IDI2: variants seen among roughly 807,000 people sequenced by gnomAD.
The protein encoded by IDI2 is isopentenyl-diphosphate delta-isomerase 2.
IDI2 carries 18 observed loss-of-function variants against 14.8 expected under a neutral mutation model. The observed-to-expected ratio is 1.22, with a 90% CI of 0.84 to 1.80. The LOEUF (loss-of-function observed/expected upper bound fraction) is 1.80. IDI2 is among the 40% of genes most tolerant of loss of function. The pLI, the probability that IDI2 is intolerant of heterozygous loss-of-function variation, is 0.00. For synonymous variants in IDI2, 133 were observed against 109.6 expected, an observed-to-expected ratio of 1.21 and a Z score of -1.33; for missense variants, 316 against 283.2, an observed-to-expected ratio of 1.12 and a Z score of -0.83.
intron 4 of IDI2, among the ~76,000 whole-genome samples, 150 bp downstream of exon 4, chr10:1,020,606 CCATTCACAGCT>C (rs1455504164): frequency 4.6e-5 from 7 of 152,142 alleles, no homozygotes; most frequent in Non-Finnish European, 8.8e-5. Context: ...ATTCACAGCC[CCATTCACAGCT>C]CATTCACAGC....
At chr10:1,020,154 C>A (rs369612849) in intron 4 of IDI2, among the ~76,000 whole-genome samples, 1 of 152,104 alleles carries the variant, frequency 6.6e-6, no homozygotes, top group Admixed American at 6.5e-5. Flanking sequence ...CTCTCTTAAA[C>A]GTGTTCTTGA....
chr10:1,021,433 G>T (rs550755240), intron 3 of IDI2, among the ~76,000 whole-genome samples: 1 of 152,334 alleles, frequency 6.6e-6, no homozygotes, highest in South Asian at 2.1e-4. Flanking sequence ...CAGCAATAGC[G>T]CTATGACGGG....
Position 1,019,553 on chromosome 10 carries a change from G to T in IDI2, c.648C>A (p.Thr216=). The change falls in exon 5 of 5, where the codon ACC becomes ACA. Residue 216 remains threonine (T), a synonymous_variant. Transcript: ENST00000277517. ...GTATTTTGTGAAGCTCCACAAACGGGGTCACGTCATCCAGGTGAGGCCACC... is the reference window on the plus strand; with the variant it reads ...GTATTTTGTGAAGCTCCACAAACGGTGTCACGTCATCCAGGTGAGGCCACC... ...YRWWPHLDDV[T]PFVELHKIHR... 1 of 1,613,644 alleles carries T rather than the reference G, an allele frequency of 6.2e-7. No individual in the cohort carries two copies. Among genetic ancestry groups the T allele is most frequent in the South Asian group, 1.1e-5 (1 of 91,048 alleles).
intron 3 of IDI2, 88 bp downstream of exon 3, chr10:1,022,595 G>A (rs1200722334): frequency 1.4e-5 from 14 of 1,017,288 alleles, no homozygotes; most frequent in Non-Finnish European, 1.7e-5. Flanking sequence ...GTGCGGCACT[G>A]AGCACCAGAG....
chr10:1,024,463 C>G (rs896298396), intron 2 of IDI2, 119 bp downstream of exon 2: 1 of 1,058,332 alleles, frequency 9.4e-7, no homozygotes, highest in East Asian at 2.4e-5. Context: ...AGCAAGCACA[C>G]AGGTGACCCA....
chr10:1,020,974 A>G (rs1459757632), intron 3 of IDI2, 77 bp from the exon 4 acceptor site: 15 of 1,467,516 alleles, frequency 1.0e-5, no homozygotes, highest in Non-Finnish European at 1.4e-5. Flanking sequence ...CAGATGCTTC[A>G]TGTAAAACCA....
At chr10:1,023,948 T>A (rs759914091) in intron 2 of IDI2, among the ~76,000 whole-genome samples, 11 of 152,172 alleles carry the variant, frequency 7.2e-5, no homozygotes, top group Non-Finnish European at 1.5e-4. Flanking sequence ...TATGCATAAT[T>A]ATTATGTGTT....
At chr10:1,024,836 A>G in intron 1 of IDI2, 92 bp from the exon 2 acceptor site, 26 of 1,188,340 alleles carry the variant, frequency 2.2e-5, no homozygotes, top group Non-Finnish European at 3.2e-5. Flanking sequence ...GATTTAGCAT[A>G]CACCTTCTCT....
chr10:1,021,013 G>A (rs1832086864), intron 3 of IDI2, 116 bp from the exon 4 acceptor site: 1 of 1,186,862 alleles, frequency 8.4e-7, no homozygotes, highest in Admixed American at 2.4e-5. Context: ...AGACAGCCTG[G>A]CGGGGGGAGT....
chr10:1,021,308 A>T (rs1376743456), intron 3 of IDI2, among the ~76,000 whole-genome samples: 1 of 152,234 alleles, frequency 6.6e-6, no homozygotes, highest in Non-Finnish European at 1.5e-5. Context: ...GGGCTGAGGA[A>T]GCTGGGCTGC....
intron 4 of IDI2, 38 bp downstream of exon 4, chr10:1,020,729 C>G: frequency 1.3e-6 from 2 of 1,559,980 alleles, no homozygotes; most frequent in Non-Finnish European, 1.7e-6. Context: ...CCAACCTGGA[C>G]TCCCGTGGAC....
chr10:1,020,357 A>G (rs1832070842), intron 4 of IDI2, among the ~76,000 whole-genome samples: 1 of 151,880 alleles, frequency 6.6e-6, no homozygotes, highest in South Asian at 2.1e-4. Context: ...CGCCCAGCTA[A>G]TTTTTGTACT....
At chr10:1,020,720 C>A in intron 4 of IDI2, 47 bp downstream of exon 4, 1 of 1,552,246 alleles carries the variant, frequency 6.4e-7, no homozygotes, top group Non-Finnish European at 8.7e-7. Context: ...TGCCCGCTGC[C>A]AACCTGGACT....
In IDI2 at chr10:1,019,447, A is replaced by G. The variant is rs1161548277; in HGVS notation, c.*70T>C. 5.5e-6 allele frequency: 7 copies of G among 1,279,228 alleles called. No individual in the cohort carries two copies. Among genetic ancestry groups the G allele is most frequent in the East Asian group, 5.0e-5 (2 of 40,120 alleles). 79.2% of individuals were successfully genotyped at this position (1,279,228 alleles called of 1,614,324 possible). Reference sequence around the variant, plus strand: ...TTGCCCTGTTTTTTGGAGAGGGTGTATCATTGCCTCAATGGTGCGTCTGCC... The same window carrying G: ...TTGCCCTGTTTTTTGGAGAGGGTGTGTCATTGCCTCAATGGTGCGTCTGCC... On this transcript the variant is annotated 3_prime_UTR_variant, in exon 5 of 5. Transcript: ENST00000277517.
At chr10:1,020,669 A>G in intron 4 of IDI2, 98 bp downstream of exon 4, 2 of 1,229,558 alleles carry the variant, frequency 1.6e-6, no homozygotes, top group South Asian at 3.1e-5. Flanking sequence ...GTGCTTCATG[A>G]GGTCAATGGT....
At chr10:1,020,673 CA>C in intron 4 of IDI2, 93 bp downstream of exon 4, 1 of 1,299,466 alleles carries the variant, frequency 7.7e-7, no homozygotes, top group Non-Finnish European at 1.1e-6. Flanking sequence ...TTCATGAGGT[CA>C]ATGGTGTAGA....
chr10:1,019,704 C>G lies in IDI2; in HGVS notation c.497G>C (p.Ser166Thr), dbSNP rs200578674. ...RKNVTLNPDP[S>T]ETKSILYLSQ... is the part of the protein sequence containing the mutation. ...CAGGTAGAGGATGCTTTTCGTTTCA[C>G]TGGGATCCGGGTTCAGAGTGACGTT... The change falls in exon 5 of 5, where the codon AGT becomes ACT. Residue 166 changes from serine (S) to threonine (T), a missense_variant. By Grantham distance (58) the Ser-to-Thr change is moderately conservative (BLOSUM62 1). Coordinates refer to ENST00000277517, the MANE Select transcript of IDI2 (RefSeq NM_033261.3). The G allele has an allele frequency of 1.9e-6, 3 of 1,614,042 alleles. No individual in the cohort carries two copies. Among genetic ancestry groups the G allele is most frequent in the Non-Finnish European group, 2.5e-6 (3 of 1,180,014 alleles).
rs910462256 is a variant in IDI2 at position 1,023,721 on chromosome 10, G to A, written c.142+861C>T. On this transcript the variant is annotated intron_variant, in intron 2 of 4. Coordinates refer to ENST00000277517, the MANE Select transcript of IDI2 (RefSeq NM_033261.3). ...TGGTTAATAAGTATAAACATACCGC[G>A]ATAGAGAAGGAATAATATCAGCTGT... 1.2e-4 allele frequency among the ~76,000 whole-genome samples: 19 copies of A among 152,192 alleles called. 1 individual carries two copies. The highest frequency in any genetic ancestry group is 8.8e-5 in the Non-Finnish European group (6 of 68,038).
At chr10:1,025,290 A>T (rs1451771037) in intron 1 of IDI2, among the ~76,000 whole-genome samples, 10 of 152,308 alleles carry the variant, frequency 6.6e-5, no homozygotes, top group African/African-American at 2.2e-4. Flanking sequence ...CTGTAATCCC[A>T]GTACTTTGGG....
Sources: allele counts gnomAD v4.1 joint callset (sites outside exome capture counted in the v4.1 genomes callset), GRCh38; gene constraint gnomAD v4.1.1; transcripts MANE v1.5; gene names NCBI Gene and HGNC (gene_info 2026-07-23, HGNC 2026-07-21).